DCC: variants seen among roughly 807,000 people sequenced by gnomAD.
DCC encodes netrin receptor DCC.
Under a neutral mutation model 172.5 loss-of-function variants are expected in DCC, and 58 were observed. The observed-to-expected ratio is 0.34, with a 90% confidence interval of 0.27 to 0.42. The LOEUF (loss-of-function observed/expected upper bound fraction) is 0.42. DCC is among the 10% of genes least tolerant of loss of function. DCC has a pLI of 1.00. For missense variants in DCC, 1,740 were observed against 1,791.0 expected, an observed-to-expected ratio of 0.97 and a Z score of 0.51; for synonymous variants, 709 against 644.5, an observed-to-expected ratio of 1.10 and a Z score of -1.52.
At chr18:52,682,377 C>G (rs2035762560) in intron 1 of DCC, among the ~76,000 whole-genome samples, 1 of 151,868 alleles carries the variant, frequency 6.6e-6, no homozygotes, top group African/African-American at 2.4e-5. Flanking sequence ...GAGAAACAAG[C>G]AATACTTAGA....
At chr18:52,505,211 G>T (rs2031186513) in intron 1 of DCC, among the ~76,000 whole-genome samples, 1 of 137,236 alleles carries the variant, frequency 7.3e-6, no homozygotes, top group African/African-American at 2.7e-5. Flanking sequence ...GATTTCAGCA[G>T]CATTTTATTC....
At chr18:53,194,513 G>T (rs1055369056) in intron 9 of DCC, among the ~76,000 whole-genome samples, 5 of 151,960 alleles carry the variant, frequency 3.3e-5, no homozygotes, top group Non-Finnish European at 5.9e-5. Flanking sequence ...TGTTGCCCAG[G>T]CTGGAGTGTG....
chr18:52,706,092 G>C (rs201767591), intron 1 of DCC, among the ~76,000 whole-genome samples: 109 of 152,258 alleles, frequency 7.2e-4, no homozygotes, highest in East Asian at 1.2e-3. Context: ...TCTGATCCCA[G>C]CAGCAGATGA....
intron 5 of DCC, among the ~76,000 whole-genome samples, chr18:53,055,080 T>C (rs1034661315): frequency 6.6e-6 from 1 of 152,102 alleles, no homozygotes; most frequent in Admixed American, 6.6e-5. Context: ...GATTTGCCGT[T>C]GAGGACTGAA....
chr18:52,855,079 T>G (rs996835481), intron 2 of DCC, among the ~76,000 whole-genome samples: 2 of 152,226 alleles, frequency 1.3e-5, no homozygotes. Context: ...TCTGGGTGTC[T>G]TCGGCTTCTT....
At chr18:53,062,537 T>C (rs1029390734) in intron 5 of DCC, among the ~76,000 whole-genome samples, 3 of 152,152 alleles carry the variant, frequency 2.0e-5, no homozygotes, top group Admixed American at 6.6e-5. Flanking sequence ...AGAATAAACA[T>C]TAATTTTTAG....
At chr18:52,626,165 G>T (rs2034570404) in intron 1 of DCC, among the ~76,000 whole-genome samples, 2 of 152,114 alleles carry the variant, frequency 1.3e-5, no homozygotes, top group African/African-American at 4.8e-5. Context: ...TGATATCTCT[G>T]CATGGATGCC....
chr18:53,133,434 C>T (rs1056125448), intron 7 of DCC, among the ~76,000 whole-genome samples: 9 of 152,184 alleles, frequency 5.9e-5, no homozygotes, highest in African/African-American at 1.9e-4. Flanking sequence ...GATGAGTCCA[C>T]AGGGTTGGAC....
At chr18:52,657,190 T>C (rs112693905) in intron 1 of DCC, among the ~76,000 whole-genome samples, 1 of 152,212 alleles carries the variant, frequency 6.6e-6, no homozygotes, top group African/African-American at 2.4e-5. Context: ...AGCCACACTA[T>C]CTCTGTGATG....
chr18:52,474,871 T>C (rs1379369654), intron 1 of DCC, among the ~76,000 whole-genome samples: 1 of 152,168 alleles, frequency 6.6e-6, no homozygotes, highest in East Asian at 1.9e-4. Flanking sequence ...CCAACACCGG[T>C]TATCTTTAGA....
chr18:52,551,738 A>ACG (rs1472347658), intron 1 of DCC, among the ~76,000 whole-genome samples: 2 of 142,666 alleles, frequency 1.4e-5, no homozygotes, highest in Non-Finnish European at 3.0e-5. Context: ...ACACACACAC[A>ACG]CACACACACA....
intron 7 of DCC, among the ~76,000 whole-genome samples, chr18:53,115,026 C>T (rs557444995): frequency 6.6e-6 from 1 of 151,632 alleles, no homozygotes; most frequent in East Asian, 2.0e-4. Context: ...TAAGGTTTTT[C>T]CCTTTCTTCA....
intron 27 of DCC, among the ~76,000 whole-genome samples, chr18:53,504,961 T>C (rs984811994): frequency 4.6e-5 from 7 of 152,192 alleles, no homozygotes; most frequent in Admixed American, 3.3e-4. Context: ...GATAGATAGA[T>C]ACAGGATTTT....
At chr18:53,026,023 A>C (rs1169815709) in intron 5 of DCC, among the ~76,000 whole-genome samples, 2 of 152,058 alleles carry the variant, frequency 1.3e-5, no homozygotes, top group Non-Finnish European at 2.9e-5. Context: ...AAATGTTCCA[A>C]TTCAGCTTGG....
chr18:53,302,101 T>G (rs2057148567), intron 12 of DCC, among the ~76,000 whole-genome samples: 1 of 152,180 alleles, frequency 6.6e-6, no homozygotes. Context: ...CTTATTTTCT[T>G]TTAGAGACAC....
chr18:53,258,048 G>A (rs951197268), intron 12 of DCC, among the ~76,000 whole-genome samples: 4 of 151,976 alleles, frequency 2.6e-5, no homozygotes, highest in East Asian at 1.9e-4. Context: ...CTGTGGGATC[G>A]GTGGTGATAT....
intron 25 of DCC, among the ~76,000 whole-genome samples, chr18:53,475,808 T>G (rs1476865791): frequency 6.6e-6 from 1 of 152,138 alleles, no homozygotes; most frequent in African/African-American, 2.4e-5. Flanking sequence ...CTCCAGACTC[T>G]GTAATGGTAG....
At chr18:53,379,966 G>C (rs1907591293) in intron 15 of DCC, among the ~76,000 whole-genome samples, 1 of 152,096 alleles carries the variant, frequency 6.6e-6, no homozygotes, top group African/African-American at 2.4e-5. Flanking sequence ...AGAAAATACT[G>C]CTGAGCTTTA....
intron 2 of DCC, among the ~76,000 whole-genome samples, chr18:52,870,418 C>T (rs1482906328): frequency 6.6e-6 from 1 of 152,200 alleles, no homozygotes; most frequent in Non-Finnish European, 1.5e-5. Context: ...CTGGATTGCC[C>T]ACCACTGCCA....
Sources: allele counts gnomAD v4.1 joint callset (sites outside exome capture counted in the v4.1 genomes callset), GRCh38; gene constraint gnomAD v4.1.1; transcripts MANE v1.5; gene names NCBI Gene and HGNC (gene_info 2026-07-23, HGNC 2026-07-21).